The following PTPRJ variants were observed in gnomAD, a reference collection of about 807,000 sequenced individuals.
PTPRJ encodes protein tyrosine phosphatase receptor type J.
Under a neutral mutation model 141.3 loss-of-function variants are expected in PTPRJ, and 129 were observed. That is an observed-to-expected ratio of 0.91 (90% confidence interval 0.79 to 1.06). The LOEUF is 1.06. PTPRJ is among the 50% of genes least tolerant of loss of function. The probability of loss-of-function intolerance (pLI) is 0.00; values close to 1 mark genes in which losing one functional copy is unlikely to be tolerated. For synonymous variants in PTPRJ, 610 were observed against 640.5 expected (o/e 0.95, Z 0.72); for missense variants, 1,601 against 1,679.7 (o/e 0.95, Z 0.82).
chr11:48,099,728 A>T (rs985514633), intron 1 of PTPRJ, among the ~76,000 whole-genome samples: 83 of 152,204 alleles, frequency 5.5e-4, no homozygotes, highest in African/African-American at 1.6e-3. Flanking sequence ...GTACCTGCCC[A>T]ATGTGATTTG....
chr11:48,007,298 A>G (rs77405966), intron 1 of PTPRJ, among the ~76,000 whole-genome samples: 2 of 147,594 alleles, frequency 1.4e-5, no homozygotes, highest in African/African-American at 5.1e-5. Context: ...TTTAGTAGAG[A>G]TGGGTTTTCA....
intron 1 of PTPRJ, among the ~76,000 whole-genome samples, chr11:47,987,256 A>G (rs549104324): frequency 7.9e-4 from 121 of 152,290 alleles, no homozygotes; most frequent in Non-Finnish European, 1.4e-3. Context: ...GTCTTAGTAA[A>G]GAAAGACCCC....
chr11:47,995,356 G>A (rs1430951794), intron 1 of PTPRJ, among the ~76,000 whole-genome samples: 1 of 152,230 alleles, frequency 6.6e-6, no homozygotes, highest in Non-Finnish European at 1.5e-5. Context: ...CCAGCTAGTT[G>A]TGGGCTTCCT....
At chr11:48,130,356 GGT>G in intron 7 of PTPRJ, 101 bp from the exon 8 acceptor site, 1 of 1,171,184 alleles carries the variant, frequency 8.5e-7, no homozygotes, top group Non-Finnish European at 1.2e-6. Flanking sequence ...AGAGGGATCA[GGT>G]GTCCTAAGTG....
At chr11:48,162,219 C>T (rs369313486) in intron 22 of PTPRJ, among the ~76,000 whole-genome samples, 34 of 152,144 alleles carry the variant, frequency 2.2e-4, no homozygotes, top group East Asian at 1.7e-3. Flanking sequence ...TTTAGAAAAT[C>T]GAGAAATTAC....
chr11:48,127,785 A>T lies in PTPRJ; in HGVS notation c.1099A>T (p.Ile367Phe). Residue 367 changes from isoleucine to phenylalanine, a missense_variant, in exon 7 of 25, where the codon ATT (isoleucine) becomes TTT (phenylalanine). Physicochemically the swap from Ile to Phe is conservative, Grantham distance 21. Coordinates refer to ENST00000418331, the MANE Select transcript of PTPRJ (RefSeq NM_002843.4). ...CTCCTCTTGTGTTCTCACAGATGCT[A>T]TTCAGGTTTTTGACGTCACCGCTGT... The part of the protein sequence containing the change: ...PQAIEFRTNA[I>F]QVFDVTAVNI... 4 of 1,614,036 alleles carry T rather than the reference A, an allele frequency of 2.5e-6. No individual in the cohort carries two copies. Among genetic ancestry groups the T allele is most frequent in the Non-Finnish European group, 2.5e-6 (3 of 1,179,916 alleles).
intron 1 of PTPRJ, among the ~76,000 whole-genome samples, chr11:48,033,395 TG>T (rs1854038622): frequency 6.6e-6 from 1 of 151,942 alleles, no homozygotes; most frequent in East Asian, 1.9e-4. Flanking sequence ...AGGCTGGAAT[TG>T]TAAGTTTGAG....
In PTPRJ at chr11:48,102,888, C is replaced by T. The variant is rs187976796; in HGVS notation, c.97-7170C>T. Reference sequence around the variant, plus strand: ...GACTTGGGGATTGCCAACTCTGACCCTCTCTTCAGATGAAGAGATTAGCCC... The same window carrying T: ...GACTTGGGGATTGCCAACTCTGACCTTCTCTTCAGATGAAGAGATTAGCCC... On this transcript the variant is annotated intron_variant, in intron 1 of 24. Transcript: ENST00000418331. Among the ~76,000 whole-genome samples, 6 of 152,186 alleles carry T rather than the reference C, an allele frequency of 3.9e-5. No individual in the cohort carries two copies. The South Asian group carries it at 6.2e-4, about 16-fold the overall frequency.
chr11:48,094,581 A>G (rs941338524), intron 1 of PTPRJ, among the ~76,000 whole-genome samples: 1 of 152,124 alleles, frequency 6.6e-6, no homozygotes, highest in Non-Finnish European at 1.5e-5. Flanking sequence ...TTGTAGATCT[A>G]ATACAAGGAT....
chr11:48,048,911 C>T (rs11603902), intron 1 of PTPRJ, among the ~76,000 whole-genome samples: 30 of 152,336 alleles, frequency 2.0e-4, no homozygotes, highest in Admixed American at 5.2e-4. Flanking sequence ...TTACAGCTGA[C>T]GCCTATCTAA....
chr11:48,094,620 G>A (rs1370589472), intron 1 of PTPRJ, among the ~76,000 whole-genome samples: 1 of 152,110 alleles, frequency 6.6e-6, no homozygotes, highest in Non-Finnish European at 1.5e-5. Context: ...ATGCTGGAGG[G>A]ACTTAGACTC....
chr11:48,149,445 A>G lies in PTPRJ; in HGVS notation c.3000-2A>G. On this transcript the variant is annotated splice_acceptor_variant, in intron 15 of 24. Coordinates refer to ENST00000418331, the MANE Select transcript of PTPRJ (RefSeq NM_002843.4). LOFTEE classifies it high-confidence loss of function. ...TAATGGGTCTCTTTTCTCTTAAAAC[A>G]GGAAAGATGCAAAGAATAATGAAGT... 2.0e-6 allele frequency: 3 copies of G among 1,514,948 alleles called. No homozygotes were observed. Among genetic ancestry groups the G allele is most frequent in the Non-Finnish European group, 2.7e-6 (3 of 1,104,016 alleles). The allele number at this position is 1,514,948 out of a possible 1,614,324, so 93.8% of individuals were successfully genotyped here.
chr11:48,027,914 T>C lies in PTPRJ; in HGVS notation c.96+46906T>C, dbSNP rs184682130. On this transcript the variant is annotated intron_variant, in intron 1 of 24. Coordinates refer to ENST00000418331, the MANE Select transcript of PTPRJ (RefSeq NM_002843.4). ...CCCACAAAACTGCTTCGGAGAGCTC[T>C]TAGGTCCCAAGTTTGCCTGCATCCA... Among the ~76,000 whole-genome samples, 9 of 152,048 alleles carry C rather than the reference T, an allele frequency of 5.9e-5. No individual in the cohort carries two copies. In the South Asian group the frequency reaches 8.3e-4, roughly 14 times the overall value.
Position 48,153,818 on chromosome 11 carries a change from G to C in PTPRJ, c.3161G>C (p.Ser1054Thr). ...CAGGATCTGAAGCTTGTTGGAATTA[G>C]TCAACCTAAATATGCAGCAGAACTG... Reference protein sequence around the residue: ...EYEDLKLVGISQPKYAAELAE... With the variant: ...EYEDLKLVGITQPKYAAELAE... The change falls in exon 19 of 25, where the codon AGT (serine) becomes ACT (threonine). Residue 1054 changes from serine to threonine, a missense_variant. Physicochemically the swap from Ser to Thr is moderately conservative, Grantham distance 58. Transcript: ENST00000418331. 6.2e-7 allele frequency: 1 copy of C among 1,613,420 alleles called. No individual in the cohort carries two copies.
chr11:47,983,000 A>C (rs374075148), intron 1 of PTPRJ, among the ~76,000 whole-genome samples: 2 of 152,162 alleles, frequency 1.3e-5, no homozygotes, highest in South Asian at 4.1e-4. Context: ...TGGATATTTC[A>C]GGGAATCAGT....
chr11:48,137,363 T>G, intron 10 of PTPRJ, 82 bp downstream of exon 10: 1 of 1,471,560 alleles, frequency 6.8e-7, no homozygotes, highest in African/African-American at 1.4e-5. Context: ...GTCTGTAGTT[T>G]GTCTGGTTTT....
intron 1 of PTPRJ, among the ~76,000 whole-genome samples, chr11:48,053,379 AAT>A (rs1302217225): frequency 2.0e-5 from 2 of 99,716 alleles, no homozygotes; most frequent in African/African-American, 9.0e-5. Context: ...ATATATATAA[AAT>A]ATATATAAAA....
rs1228013 is a variant in PTPRJ, at chr11:47,981,788, C to T, written c.96+780C>T. Among the ~76,000 whole-genome samples the T allele has an allele frequency of 4.4e-3, 669 of 152,184 alleles. 9 individuals carry two copies. The highest frequency in any genetic ancestry group is 0.016 in the African/African-American group (657 of 41,510). ...TTCCATAGGGGCTGAGGCAGAGCAG[C>T]TGAAGGGGCATTCCCATTTCACAGA... On this transcript the variant is annotated intron_variant, in intron 1 of 24. Coordinates refer to ENST00000418331, the MANE Select transcript of PTPRJ (RefSeq NM_002843.4).
chr11:48,033,571 G>C (rs1247281612), intron 1 of PTPRJ, among the ~76,000 whole-genome samples: 1 of 152,144 alleles, frequency 6.6e-6, no homozygotes, highest in African/African-American at 2.4e-5. Context: ...AGTGACCAAG[G>C]ATAAGCCACT....
Sources: gnomAD v4.1 joint callset for allele counts (sites outside exome capture counted in the v4.1 genomes callset) on GRCh38, gnomAD v4.1.1 for gene constraint, MANE v1.5 for transcripts, NCBI Gene and HGNC (gene_info 2026-07-23, HGNC 2026-07-21) for gene names.